INVS: variants seen among roughly 807,000 people sequenced by gnomAD.
INVS encodes inversin.
In INVS, 86 loss-of-function variants were observed where a neutral mutation model predicts 108.8. The ratio of observed to expected loss-of-function variants is 0.79; its 90% confidence interval spans 0.66 to 0.95. The LOEUF (loss-of-function observed/expected upper bound fraction) is 0.95. Ranked by LOEUF, INVS falls within the 40% of genes least tolerant of loss-of-function variation. INVS has a pLI of 0.00. For missense variants in INVS, 1,169 were observed against 1,297.4 expected (o/e 0.90, Z 1.52); for synonymous variants, 455 against 473.5 (o/e 0.96, Z 0.51).
intron 5 of INVS, among the ~76,000 whole-genome samples, chr9:100,236,511 T>C (rs564907827): frequency 6.6e-6 from 1 of 152,344 alleles, no homozygotes; most frequent in African/African-American, 2.4e-5. Flanking sequence ...CTTTGATCTT[T>C]GATGCTGATG....
intron 3 of INVS, among the ~76,000 whole-genome samples, chr9:100,219,239 G>C (rs576707090): frequency 5.3e-4 from 80 of 152,094 alleles, no homozygotes; most frequent in Admixed American, 9.8e-4. Context: ...ACACAAGAAG[G>C]CTATTTACAA....
Position 100,199,434 on chromosome 9 carries a change from T to C in INVS, c.274-26628T>C, listed in dbSNP as rs148485561. ...CTTATTATTTTTATTTTGAGCCATCTGTTATTGCTCCTTTCAATCTGTTTT... is the reference window on the plus strand; with the variant it reads ...CTTATTATTTTTATTTTGAGCCATCCGTTATTGCTCCTTTCAATCTGTTTT... On this transcript the variant is annotated intron_variant, in intron 3 of 16. Coordinates refer to ENST00000262457, the MANE Select transcript of INVS (RefSeq NM_014425.5). Among the ~76,000 whole-genome samples the C allele has an allele frequency of 1.9e-4, 29 of 152,342 alleles. No individual in the cohort carries two copies. The East Asian group carries it at 5.6e-3, about 29-fold the overall frequency.
intron 3 of INVS, among the ~76,000 whole-genome samples, chr9:100,189,422 T>G (rs12000239): frequency 0.19 from 29,061 of 151,572 alleles, 4,411 homozygotes; most frequent in African/African-American, 0.43. Flanking sequence ...CTCGGAGGCT[T>G]TAATAACTGT....
At chr9:100,250,468 C>G (rs1201691460) in intron 8 of INVS, among the ~76,000 whole-genome samples, 1 of 152,178 alleles carries the variant, frequency 6.6e-6, no homozygotes, top group African/African-American at 2.4e-5. Context: ...CTGTCTGAAT[C>G]TTGTCTAGGT....
chr9:100,118,775 C>T (rs545446633), intron 2 of INVS, among the ~76,000 whole-genome samples: 10 of 152,184 alleles, frequency 6.6e-5, no homozygotes, highest in Non-Finnish European at 1.3e-4. Flanking sequence ...ATTCTCCTGC[C>T]TCAGTCTCCT....
chr9:100,245,268 G>T (rs906662415), intron 7 of INVS, among the ~76,000 whole-genome samples: 10 of 151,762 alleles, frequency 6.6e-5, no homozygotes, highest in African/African-American at 2.2e-4. Context: ...AATTTTTTTT[G>T]TTGTTTTTGT....
At chr9:100,273,126 G>T in intron 12 of INVS, 50 bp downstream of exon 12, 1 of 1,436,396 alleles carries the variant, frequency 7.0e-7, no homozygotes, top group Non-Finnish European at 9.8e-7. Context: ...AATCAGGGTG[G>T]AAGTGGGGGT....
intron 3 of INVS, chr9:100,175,736 G>T: frequency 1.6e-6 from 1 of 630,062 alleles, no homozygotes; most frequent in South Asian, 1.4e-5. Flanking sequence ...AGAGCAACCA[G>T]ACCTGTAGCA....
chr9:100,207,455 G>A (rs1322041605), intron 3 of INVS, among the ~76,000 whole-genome samples: 1 of 151,878 alleles, frequency 6.6e-6, no homozygotes, highest in Non-Finnish European at 1.5e-5. Context: ...CACCATGCCT[G>A]CTAATTTTTG....
intron 15 of INVS, among the ~76,000 whole-genome samples, 176 bp downstream of exon 15, chr9:100,297,322 A>G (rs1833819488): frequency 1.3e-5 from 2 of 152,148 alleles, no homozygotes; most frequent in African/African-American, 2.4e-5. Flanking sequence ...CACCAACCTA[A>G]TATTTCTCAA....
intron 3 of INVS, among the ~76,000 whole-genome samples, chr9:100,145,238 T>C (rs938221107): frequency 2.0e-5 from 3 of 149,162 alleles, no homozygotes; most frequent in African/African-American, 7.5e-5. Flanking sequence ...GGAAGGGGTT[T>C]GGGGGTTCTT....
chr9:100,160,954 C>CAAAA (rs34945084), intron 3 of INVS, among the ~76,000 whole-genome samples: 2 of 72,644 alleles, frequency 2.8e-5, no homozygotes, highest in African/African-American at 4.8e-5. Context: ...GACTCTGTCT[C>CAAAA]AAAAAAAAAA....
At chr9:100,246,473 A>G (rs1296072411) in intron 7 of INVS, 143 bp from the exon 8 acceptor site, 2 of 644,712 alleles carry the variant, frequency 3.1e-6, no homozygotes, top group Non-Finnish European at 5.4e-6. Context: ...TTCTGTCATT[A>G]ATAAAAAGAT....
intron 11 of INVS, 35 bp downstream of exon 11, chr9:100,264,963 G>A (rs1237998997): frequency 2.4e-6 from 3 of 1,261,270 alleles, no homozygotes; most frequent in African/African-American, 1.5e-5. Flanking sequence ...TTTTTTTTGA[G>A]ATGGCTTCTC....
intron 3 of INVS, among the ~76,000 whole-genome samples, chr9:100,148,100 G>C (rs984926496): frequency 2.5e-4 from 38 of 151,864 alleles, no homozygotes; most frequent in African/African-American, 8.0e-4. Context: ...GTTAAGTCCA[G>C]GAGTTTGAGG....
intron 12 of INVS, among the ~76,000 whole-genome samples, chr9:100,277,740 G>A (rs1833153955): frequency 1.3e-5 from 2 of 152,166 alleles, no homozygotes; most frequent in Non-Finnish European, 2.9e-5. Flanking sequence ...ATTCCCTTGA[G>A]AGGGAGTTAA....
chr9:100,181,646 C>T (rs1829890772), intron 3 of INVS, among the ~76,000 whole-genome samples: 1 of 152,132 alleles, frequency 6.6e-6, no homozygotes, highest in Non-Finnish European at 1.5e-5. Flanking sequence ...ACATTCCATA[C>T]TCATAGATAG....
intron 6 of INVS, 25 bp from the exon 7 acceptor site, chr9:100,242,545 A>C: frequency 8.3e-7 from 1 of 1,201,000 alleles, no homozygotes; most frequent in South Asian, 1.2e-5. Context: ...ATAAGTGATA[A>C]TTACCTTTTT....
At chr9:100,206,584 C>T (rs1301517447) in intron 3 of INVS, among the ~76,000 whole-genome samples, 8 of 151,872 alleles carry the variant, frequency 5.3e-5, no homozygotes, top group Non-Finnish European at 1.0e-4. Flanking sequence ...CTCCTTTGCC[C>T]CTAAATTTCA....
Sources: allele counts gnomAD v4.1 joint callset (sites outside exome capture counted in the v4.1 genomes callset), GRCh38; gene constraint gnomAD v4.1.1; transcripts MANE v1.5; gene names NCBI Gene and HGNC (gene_info 2026-07-23, HGNC 2026-07-21).